ERG: variants seen among roughly 807,000 people sequenced by gnomAD.
ERG encodes the protein transcriptional regulator ERG.
ERG carries 9 observed loss-of-function variants against 55.3 expected under a neutral mutation model. That is an observed-to-expected ratio of 0.16 (90% CI 0.10 to 0.28). ERG has a LOEUF of 0.28. Among genes scored for constraint, ERG ranks in the 10% least tolerant of loss-of-function variants. ERG has a pLI of 1.00. For synonymous variants in ERG, 223 were observed against 237.3 expected (o/e 0.94, Z 0.55); for missense variants, 434 against 631.6 (o/e 0.69, Z 3.35).
At chr21:38,615,949 G>C (rs755828813) in intron 1 of ERG, among the ~76,000 whole-genome samples, 1 of 151,998 alleles carries the variant, frequency 6.6e-6, no homozygotes, top group African/African-American at 2.4e-5. Context: ...GACATGGTTT[G>C]GTTCTGTGTC....
In ERG at chr21:38,596,056, T is replaced by TAG. The variant is rs1491300215; in HGVS notation, c.-149-11112_-149-11111insCT. Among the ~76,000 whole-genome samples, 5 of 102,096 alleles carry TAG rather than the reference T, an allele frequency of 4.9e-5. No individual in the cohort carries two copies. The East Asian group carries it at 7.4e-4, about 15-fold the overall frequency. The allele number at this position is 102,096 out of a possible 152,430, so 67.0% of individuals were successfully genotyped here. On this transcript the variant is annotated intron_variant, in intron 1 of 10. Transcript: ENST00000398910. ...CTCTATATAAAAATTGGTGTGGGAT[T>TAG]GGGGGGGGGGGGTCTCTTTTTATAA...
At chr21:38,526,823 A>G (rs1421133724) in intron 2 of ERG, among the ~76,000 whole-genome samples, 1 of 152,208 alleles carries the variant, frequency 6.6e-6, no homozygotes, top group African/African-American at 2.4e-5. Flanking sequence ...GTATGAAGGT[A>G]TTATTAGAAC....
chr21:38,626,618 T>C (rs1425411610), intron 1 of ERG, among the ~76,000 whole-genome samples: 1 of 152,190 alleles, frequency 6.6e-6, no homozygotes, highest in Non-Finnish European at 1.5e-5. Context: ...AGCACTTATT[T>C]TCATAACTTA....
chr21:38,566,201 A>G (rs6517470), intron 2 of ERG, among the ~76,000 whole-genome samples: 70,549 of 152,054 alleles, frequency 0.46, 19,105 homozygotes, highest in Non-Finnish European at 0.63. Flanking sequence ...ACACAGAAGG[A>G]AAAGAAGGTG....
intron 1 of ERG, among the ~76,000 whole-genome samples, chr21:38,490,740 C>T (rs918983200): frequency 5.9e-5 from 9 of 152,230 alleles, no homozygotes; most frequent in African/African-American, 2.2e-4. Flanking sequence ...GTGCGTTCAC[C>T]TGGGGAAGTC....
chr21:38,429,549 GTATATGTACATGTA>G (rs1569092523), intron 2 of ERG, among the ~76,000 whole-genome samples: 3 of 24,716 alleles, frequency 1.2e-4, no homozygotes, highest in African/African-American at 2.8e-4. Flanking sequence ...ATACATATGT[GTATATGTACATGTA>G]TACACATGTA....
At chr21:38,652,567 T>C (rs1356599847) in intron 1 of ERG, among the ~76,000 whole-genome samples, 1 of 152,222 alleles carries the variant, frequency 6.6e-6, no homozygotes, top group Non-Finnish European at 1.5e-5. Context: ...CCTCAGGGTC[T>C]CACATATCTG....
chr21:38,465,985 T>G (rs1163225578), intron 1 of ERG, among the ~76,000 whole-genome samples: 1 of 152,176 alleles, frequency 6.6e-6, no homozygotes. Context: ...GGGATTCTGA[T>G]GCTGGGTGTG....
chr21:38,473,202 G>A (rs1367440833), intron 1 of ERG, among the ~76,000 whole-genome samples: 8 of 149,370 alleles, frequency 5.4e-5, no homozygotes. Flanking sequence ...CGTCAAAAGG[G>A]CACAGGAGCT....
chr21:38,632,899 T>G (rs1285756324), intron 1 of ERG, among the ~76,000 whole-genome samples: 1 of 152,080 alleles, frequency 6.6e-6, no homozygotes, highest in Non-Finnish European at 1.5e-5. Context: ...TGTCCATATA[T>G]CCAAACTAAC....
chr21:38,583,487 CT>C (rs1479863744), intron 1 of ERG, among the ~76,000 whole-genome samples: 4 of 107,374 alleles, frequency 3.7e-5, no homozygotes, highest in East Asian at 5.6e-4. Context: ...CTGAATGCAT[CT>C]CCCACATTTA....
intron 1 of ERG, among the ~76,000 whole-genome samples, chr21:38,623,445 A>G (rs1312737237): frequency 6.6e-6 from 1 of 152,252 alleles, no homozygotes. Context: ...GGATTGAAAC[A>G]TGGAGCAGAC....
At chr21:38,387,073 G>A (rs1369125840) in intron 9 of ERG, among the ~76,000 whole-genome samples, 1 of 150,636 alleles carries the variant, frequency 6.6e-6, no homozygotes, top group East Asian at 1.9e-4. Flanking sequence ...AGCAAAAAAG[G>A]GGGAAAAAAA....
upstream of ERG, among the ~76,000 whole-genome samples, chr21:38,585,928 C>T (rs761145688): frequency 1.5e-3 from 228 of 150,602 alleles, 1 homozygote; most frequent in East Asian, 7.8e-4. Flanking sequence ...AAACCACGTA[C>T]ATAATATCAT....
At chr21:38,435,448 C>T (rs145005197) in intron 2 of ERG, among the ~76,000 whole-genome samples, 1 of 152,120 alleles carries the variant, frequency 6.6e-6, no homozygotes, top group Non-Finnish European at 1.5e-5. Context: ...AGCAGTGATT[C>T]ATGTAGAACT....
intron 1 of ERG, among the ~76,000 whole-genome samples, chr21:38,598,002 T>C (rs1416817244): frequency 6.6e-6 from 1 of 152,166 alleles, no homozygotes; most frequent in Non-Finnish European, 1.5e-5. Context: ...CATTAGGTGC[T>C]CAGGTTGTGT....
chr21:38,561,436 G>A (rs2059892129), intron 2 of ERG, among the ~76,000 whole-genome samples: 1 of 151,608 alleles, frequency 6.6e-6, no homozygotes, highest in African/African-American at 2.4e-5. Flanking sequence ...ACAATGAAAT[G>A]GGTAAATTCT....
chr21:38,541,492 G>A (rs1312401802), intron 2 of ERG, among the ~76,000 whole-genome samples: 2 of 152,142 alleles, frequency 1.3e-5, no homozygotes, highest in Non-Finnish European at 2.9e-5. Flanking sequence ...ACTTGCTCAA[G>A]TGTAAAATAA....
intron 2 of ERG, among the ~76,000 whole-genome samples, chr21:38,556,719 A>G (rs1235524643): frequency 6.6e-6 from 1 of 152,144 alleles, no homozygotes. Flanking sequence ...TTCTGAGGAC[A>G]CAGAGTGGGG....
Sources: allele counts gnomAD v4.1 joint callset (sites outside exome capture counted in the v4.1 genomes callset), GRCh38; gene constraint gnomAD v4.1.1; transcripts MANE v1.5; gene names NCBI Gene and HGNC (gene_info 2026-07-23, HGNC 2026-07-21).